Variants in ANKHD1 observed in about 807,000 individuals in gnomAD.
ANKHD1 encodes the protein ankyrin repeat and KH domain-containing protein 1.
ANKHD1 carries 31 observed loss-of-function variants against 230.5 expected under a neutral mutation model. The ratio of observed to expected loss-of-function variants is 0.13; its 90% CI spans 0.10 to 0.18. ANKHD1 has a LOEUF of 0.18. Among genes scored for constraint, ANKHD1 ranks in the 10% least tolerant of loss-of-function variants. The pLI is 1.00. For synonymous variants in ANKHD1, 1,074 were observed against 1,117.6 expected (o/e 0.96, Z 0.78); for missense variants, 2,256 against 3,071.3 (o/e 0.73, Z 6.27).
intron 10 of ANKHD1, chr5:140,472,202 G>C (rs780186299): frequency 1.1e-5 from 17 of 1,600,278 alleles, no homozygotes; most frequent in Admixed American, 1.7e-5. Context: ...TTCGTTTTTG[G>C]AATAAGATCC....
chr5:140,459,596 A>T (rs1028882265), intron 9 of ANKHD1, among the ~76,000 whole-genome samples: 2 of 152,124 alleles, frequency 1.3e-5, no homozygotes, highest in African/African-American at 4.8e-5. Flanking sequence ...GACTACAGTT[A>T]ACAATAATGT....
chr5:140,455,862 CA>C (rs1775140347), intron 7 of ANKHD1, among the ~76,000 whole-genome samples: 1 of 152,060 alleles, frequency 6.6e-6, no homozygotes, highest in Non-Finnish European at 1.5e-5. Flanking sequence ...AAGTTCTGGC[CA>C]GGGCAATCAG....
At chr5:140,512,753 T>C in intron 22 of ANKHD1, 75 bp from the exon 23 acceptor site, 1 of 1,363,428 alleles carries the variant, frequency 7.3e-7, no homozygotes, top group South Asian at 1.4e-5. Context: ...TCTGTTGTTT[T>C]ACTTTCTTTT....
chr5:140,528,757 C>T lies in ANKHD1; in HGVS notation c.5811C>T (p.Val1937=), dbSNP rs970108912. 6 of 1,614,044 alleles carry T rather than the reference C, an allele frequency of 3.7e-6. No individual in the cohort carries two copies. In the East Asian group the frequency reaches 1.3e-4, roughly 36 times the overall value. Residue 1937 remains valine (V), a synonymous_variant, in exon 29 of 34, where the codon GTC becomes GTT. Transcript: ENST00000360839. Reference sequence around the variant, plus strand: ...CTACTGCCAGTTGTCCTATCACTGTCTCTTCTGTAGTTGCTGCCAGTCAGC... The same window carrying T: ...CTACTGCCAGTTGTCCTATCACTGTTTCTTCTGTAGTTGCTGCCAGTCAGC... The part of the protein sequence containing the change: ...GLATASCPIT[V]SSVVAASQQL...
At chr5:140,460,855 G>A (rs1270568355) in intron 9 of ANKHD1, among the ~76,000 whole-genome samples, 1 of 152,058 alleles carries the variant, frequency 6.6e-6, no homozygotes, top group Admixed American at 6.6e-5. Flanking sequence ...GATGATTTAT[G>A]GTTTGGACAA....
At chr5:140,438,780 T>TA (rs1201612124) in intron 3 of ANKHD1, among the ~76,000 whole-genome samples, 163 bp downstream of exon 3, 1 of 152,246 alleles carries the variant, frequency 6.6e-6, no homozygotes, top group Non-Finnish European at 1.5e-5. Flanking sequence ...TATGTAGCTA[T>TA]ACAAATGGAT....
chr5:140,515,269 TTC>T (rs1752947354), intron 24 of ANKHD1, among the ~76,000 whole-genome samples: 1 of 151,700 alleles, frequency 6.6e-6, no homozygotes, highest in South Asian at 2.1e-4. Context: ...CAGAGCTAGA[TTC>T]TGTCCCCCCA....
At chr5:140,496,079 A>G (rs1389977858) in intron 14 of ANKHD1, among the ~76,000 whole-genome samples, 1 of 152,190 alleles carries the variant, frequency 6.6e-6, no homozygotes, top group Non-Finnish European at 1.5e-5. Context: ...TGATATTGCT[A>G]AAAGAATGAT....
intron 24 of ANKHD1, 100 bp downstream of exon 24, chr5:140,513,579 C>T: frequency 4.3e-6 from 5 of 1,176,218 alleles, no homozygotes; most frequent in Admixed American, 2.4e-5. Context: ...AAGGCCAAGG[C>T]GGGTGGATTA....
chr5:140,410,632 A>G (rs896645710), intron 1 of ANKHD1, among the ~76,000 whole-genome samples: 1 of 152,130 alleles, frequency 6.6e-6, no homozygotes, highest in Admixed American at 6.6e-5. Flanking sequence ...CTATAAAGGA[A>G]CTGTTTCAAT....
chr5:140,469,523 A>G (rs563591355), intron 10 of ANKHD1, among the ~76,000 whole-genome samples: 12 of 152,078 alleles, frequency 7.9e-5, no homozygotes, highest in African/African-American at 2.9e-4. Flanking sequence ...AAACAAACAA[A>G]CAAAAAAAAC....
chr5:140,434,917 C>T lies in ANKHD1; in HGVS notation c.307-1187C>T, dbSNP rs193242920. 1.6e-4 allele frequency among the ~76,000 whole-genome samples: 24 copies of T among 152,064 alleles called. No homozygotes were observed. The East Asian group carries it at 3.7e-3, about 23-fold the overall frequency. On this transcript the variant is annotated intron_variant, in intron 1 of 33. Coordinates refer to ENST00000360839, the MANE Select transcript of ANKHD1 (RefSeq NM_017747.3). ...GAGCTTTTTAAGGTATTTTGATACA[C>T]GTTTCCAAATTGCTTCCCAGAAGGG...
intron 15 of ANKHD1, 41 bp from the exon 16 acceptor site, chr5:140,504,780 T>C (rs764435165): frequency 6.3e-7 from 1 of 1,595,668 alleles, no homozygotes; most frequent in South Asian, 1.1e-5. Context: ...ATAACCTTAC[T>C]CTTTTAAGTG....
Position 140,485,053 on chromosome 5 carries a change from A to C in ANKHD1, c.1871-68A>C. On this transcript the variant is annotated intron_variant, in intron 11 of 33. Coordinates refer to ENST00000360839, the MANE Select transcript of ANKHD1 (RefSeq NM_017747.3). This position sits in a 1 kb window ranked among gnomAD's most constrained non-coding sequence, Gnocchi z 4.8. Reference sequence around the variant, plus strand: ...CATTATACTTCACAAAAAATTTTTAAATGATATTGACTATGAACTAGCTTG... The same window carrying C: ...CATTATACTTCACAAAAAATTTTTACATGATATTGACTATGAACTAGCTTG... 6.6e-7 allele frequency: 1 copy of C among 1,515,004 alleles called. No homozygotes were observed. Among genetic ancestry groups the C allele is most frequent in the Non-Finnish European group, 8.9e-7 (1 of 1,125,280 alleles). 93.8% of individuals were successfully genotyped at this position (1,515,004 alleles called of 1,614,324 possible).
At chr5:140,480,785 A>G (rs1337010093) in intron 10 of ANKHD1, among the ~76,000 whole-genome samples, 2 of 152,106 alleles carry the variant, frequency 1.3e-5, no homozygotes, top group African/African-American at 4.8e-5. Context: ...ATGATTAAAC[A>G]ATATTTAATC....
chr5:140,491,972 C>G, intron 14 of ANKHD1, among the ~76,000 whole-genome samples: 1 of 152,118 alleles, frequency 6.6e-6, no homozygotes, highest in East Asian at 1.9e-4. Flanking sequence ...AAAAAGTAAT[C>G]AAGAAGTAGC....
At chr5:140,453,530 C>T in intron 7 of ANKHD1, among the ~76,000 whole-genome samples, 1 of 152,168 alleles carries the variant, frequency 6.6e-6, no homozygotes, top group East Asian at 1.9e-4. Context: ...AGAAACTCTA[C>T]AAGCCAGAAG....
In ANKHD1 at chr5:140,473,012, G is replaced by T. The variant is rs183321811; in HGVS notation, c.1782+8236G>T. ...TTGTGATTAGATCACAAATAACTTA[G>T]GCCATCTAAGTTTCTTTTTTTTTTT... On this transcript the variant is annotated intron_variant, in intron 10 of 33. Transcript: ENST00000360839. 2.0e-5 allele frequency among the ~76,000 whole-genome samples: 3 copies of T among 148,708 alleles called. No homozygotes were observed. In the East Asian group the frequency reaches 6.0e-4, roughly 30 times the overall value.
intron 6 of ANKHD1, among the ~76,000 whole-genome samples, chr5:140,446,606 C>T (rs1031123812): frequency 2.0e-5 from 3 of 152,078 alleles, no homozygotes; most frequent in African/African-American, 7.2e-5. Flanking sequence ...AGTGATCCTC[C>T]TGCCTCAGCC....
Sources: allele counts gnomAD v4.1 joint callset (sites outside exome capture counted in the v4.1 genomes callset), GRCh38; gene constraint gnomAD v4.1.1; non-coding constraint Gnocchi (gnomAD v3.1); transcripts MANE v1.5; gene names NCBI Gene and HGNC (gene_info 2026-07-23, HGNC 2026-07-21).